THSD7A: variants seen among roughly 807,000 people sequenced by gnomAD.
THSD7A encodes thrombospondin type 1 domain containing 7A.
Under a neutral mutation model 231.3 loss-of-function variants are expected in THSD7A, and 96 were observed. That is an observed-to-expected ratio of 0.41 (90% CI 0.35 to 0.49). The LOEUF (loss-of-function observed/expected upper bound fraction) is 0.49, where lower values mean the gene tolerates loss of function less well. Among genes scored for constraint, THSD7A ranks in the 20% least tolerant of loss-of-function variants. The pLI is 0.05. For synonymous variants in THSD7A, 940 were observed against 743.3 expected, an observed-to-expected ratio of 1.26 and a Z score of -4.30; for missense variants, 2,290 against 2,070.2, an observed-to-expected ratio of 1.11 and a Z score of -2.06.
chr7:11,583,425 T>A (rs1791255596), intron 4 of THSD7A, among the ~76,000 whole-genome samples: 1 of 152,034 alleles, frequency 6.6e-6, no homozygotes, highest in Non-Finnish European at 1.5e-5. Flanking sequence ...TACAGGTGCA[T>A]GCCATCACGC....
intron 23 of THSD7A, among the ~76,000 whole-genome samples, chr7:11,383,285 A>T (rs572030918): frequency 6.6e-6 from 1 of 152,190 alleles, no homozygotes; most frequent in East Asian, 1.9e-4. Context: ...AGTGATTTTA[A>T]AAAATGTAGT....
intron 2 of THSD7A, among the ~76,000 whole-genome samples, chr7:11,609,652 A>T (rs549994288): frequency 1.3e-5 from 2 of 152,178 alleles, no homozygotes; most frequent in East Asian, 3.9e-4. Context: ...GTGAATATTC[A>T]TTAGGATCCT....
chr7:11,647,016 C>G (rs1782309299), intron 1 of THSD7A, among the ~76,000 whole-genome samples: 1 of 152,032 alleles, frequency 6.6e-6, no homozygotes, highest in Non-Finnish European at 1.5e-5. Context: ...AAATGCGTCT[C>G]AGAAATGTCA....
In THSD7A at chr7:11,632,759, C is replaced by T. The variant is rs892713523; in HGVS notation, c.1022+3371G>A. Among the ~76,000 whole-genome samples the T allele has an allele frequency of 3.3e-5, 5 of 152,128 alleles. No homozygotes were observed. Among genetic ancestry groups the T allele is most frequent in the African/African-American group, 1.2e-4 (5 of 41,436 alleles). On this transcript the variant is annotated intron_variant, in intron 2 of 27. Transcript: ENST00000423059. This position sits in a 1 kb window ranked among gnomAD's most constrained non-coding sequence, Gnocchi z 4.1. ...ATAAAAGTTGATCTATATTAGTTCTCCCATTAGGTCATTATTTCAACTTCT... is the reference window on the plus strand; with the variant it reads ...ATAAAAGTTGATCTATATTAGTTCTTCCATTAGGTCATTATTTCAACTTCT...
intron 11 of THSD7A, among the ~76,000 whole-genome samples, chr7:11,456,963 G>A (rs1785328919): frequency 6.6e-6 from 1 of 151,864 alleles, no homozygotes; most frequent in Admixed American, 6.6e-5. Flanking sequence ...GGAGTACAAG[G>A]ACACAATAAT....
chr7:11,700,810 C>A (rs1467301184), intron 1 of THSD7A, among the ~76,000 whole-genome samples: 1 of 150,768 alleles, frequency 6.6e-6, no homozygotes, highest in Non-Finnish European at 1.5e-5. Context: ...CTCCACAGCC[C>A]AATAAAAAAT....
chr7:11,831,989 G>T lies in THSD7A; in HGVS notation c.-43C>A. On this transcript the variant is annotated 5_prime_UTR_variant, in exon 1 of 28. Coordinates refer to ENST00000423059, the MANE Select transcript of THSD7A (RefSeq NM_015204.3). This position sits in a 1 kb window ranked among gnomAD's most constrained non-coding sequence, Gnocchi z 5.0. The stretch of plus-strand genomic sequence containing the variant: ...CAGGGTCCAGAGCCGTAGCACGCTC[G>T]GCAGGGAATTTTTCTCCGCTCTTGG... 8.3e-7 allele frequency: 1 copy of T among 1,200,700 alleles called. No homozygotes were observed. Among genetic ancestry groups the T allele is most frequent in the Non-Finnish European group, 1.0e-6 (1 of 963,250 alleles). 74.4% of individuals were successfully genotyped at this position (1,200,700 alleles called of 1,614,324 possible). A position where few individuals can be genotyped will look rare whatever the true frequency, so the allele number is the denominator to read the frequency against.
At chr7:11,622,023 A>G (rs28400296) in intron 2 of THSD7A, among the ~76,000 whole-genome samples, 2,213 of 152,312 alleles carry the variant, frequency 0.015, 52 homozygotes, top group African/African-American at 0.051. Flanking sequence ...GGATGCTTCC[A>G]GAATTTAAAG....
chr7:11,759,467 G>T (rs1782786868), intron 1 of THSD7A, among the ~76,000 whole-genome samples: 1 of 152,028 alleles, frequency 6.6e-6, no homozygotes, highest in Non-Finnish European at 1.5e-5. Context: ...ATGAATATGT[G>T]ACAAGGACAG....
chr7:11,474,599 A>T lies in THSD7A; in HGVS notation c.2018-31T>A. The T allele has an allele frequency of 6.5e-7, 1 of 1,543,578 alleles. No homozygotes were observed. Among genetic ancestry groups the T allele is most frequent in the Non-Finnish European group, 8.9e-7 (1 of 1,127,254 alleles). ...AACATGGACAATGATAGCAAATTAG[A>T]TACGGTGCCAACAGGAACCTTACCA... On this transcript the variant is annotated intron_variant, in intron 7 of 27. Coordinates refer to ENST00000423059, the MANE Select transcript of THSD7A (RefSeq NM_015204.3). This position sits in a 1 kb window ranked among gnomAD's most constrained non-coding sequence, Gnocchi z 4.1.
chr7:11,746,289 AGCAAAACTAAGAAATTG>A (rs1051886350), intron 1 of THSD7A, among the ~76,000 whole-genome samples: 9 of 151,956 alleles, frequency 5.9e-5, no homozygotes, highest in African/African-American at 2.2e-4. Flanking sequence ...TTAACATTTT[AGCAAAACTAAGAAATTG>A]GCAAAACTAA....
chr7:11,818,835 A>G (rs761045507), intron 1 of THSD7A, among the ~76,000 whole-genome samples: 2 of 151,796 alleles, frequency 1.3e-5, no homozygotes, highest in Non-Finnish European at 2.9e-5. Flanking sequence ...AACAAAGTGT[A>G]GGACCATCTA....
intron 2 of THSD7A, among the ~76,000 whole-genome samples, chr7:11,631,805 T>C (rs1411767061): frequency 1.3e-5 from 2 of 152,216 alleles, no homozygotes; most frequent in Non-Finnish European, 2.9e-5. Context: ...CTGGAACTTT[T>C]AGATAAGCAA....
intron 6 of THSD7A, among the ~76,000 whole-genome samples, chr7:11,482,968 T>C (rs1024507479): frequency 1.3e-5 from 2 of 152,128 alleles, no homozygotes; most frequent in Admixed American, 6.5e-5. Flanking sequence ...TTGATTAATA[T>C]AGGTGGTTAA....
chr7:11,641,601 A>G (rs2128363534), intron 1 of THSD7A, among the ~76,000 whole-genome samples: 1 of 152,148 alleles, frequency 6.6e-6, no homozygotes, highest in South Asian at 2.1e-4. Flanking sequence ...TATTCCAAGT[A>G]TATTTACATT....
In THSD7A at chr7:11,543,079, T is replaced by C. The variant is rs370870452; in HGVS notation, c.1492A>G (p.Ile498Val). The change falls in exon 5 of 28, where the codon ATC becomes GTC. Residue 498 changes from isoleucine (I) to valine (V), a missense_variant. Coordinates refer to ENST00000423059, the MANE Select transcript of THSD7A (RefSeq NM_015204.3). ...PMDLKLCTGP[I>V]PNTTQLCHIP... The stretch of plus-strand genomic sequence containing the variant: ...TGGCACAGCTGTGTAGTATTAGGGA[T>C]AGGTCCAGTGCATAATTTTAAGTCC... The C allele has an allele frequency of 1.9e-6, 3 of 1,613,668 alleles. No homozygotes were observed. The highest frequency in any genetic ancestry group is 1.6e-4 in the Middle Eastern group (1 of 6,080).
chr7:11,524,244 T>A (rs1456437482), intron 6 of THSD7A, among the ~76,000 whole-genome samples: 1 of 152,064 alleles, frequency 6.6e-6, no homozygotes, highest in East Asian at 1.9e-4. Flanking sequence ...ATTGGACAGG[T>A]CCAGGGTGCC....
At chr7:11,436,893 C>CTATT (rs1562608081) in intron 13 of THSD7A, among the ~76,000 whole-genome samples, 1 of 151,916 alleles carries the variant, frequency 6.6e-6, no homozygotes, top group East Asian at 1.9e-4. Flanking sequence ...TATAAAATGT[C>CTATT]TATTTAAAAG....
At chr7:11,640,117 G>T (rs575495070) in intron 1 of THSD7A, among the ~76,000 whole-genome samples, 4 of 152,100 alleles carry the variant, frequency 2.6e-5, no homozygotes, top group African/African-American at 7.2e-5. Flanking sequence ...CACACTTTCG[G>T]TTAGTAGAAT....
Sources: allele counts gnomAD v4.1 joint callset (sites outside exome capture counted in the v4.1 genomes callset), GRCh38; gene constraint gnomAD v4.1.1; non-coding constraint Gnocchi (gnomAD v3.1); transcripts MANE v1.5; gene names NCBI Gene and HGNC (gene_info 2026-07-23, HGNC 2026-07-21).